Variants in HELB observed in about 807,000 individuals in gnomAD.
The protein encoded by HELB is DNA helicase B.
In HELB, 96 loss-of-function variants were observed where a neutral mutation model predicts 101.7. The observed-to-expected ratio is 0.94, with a 90% CI of 0.80 to 1.12. HELB has a LOEUF of 1.12. Among genes scored for constraint, HELB ranks in the 50% most tolerant of loss-of-function variants. The pLI is 0.00. For synonymous variants in HELB, 437 were observed against 459.7 expected (o/e 0.95, Z 0.63); for missense variants, 1,210 against 1,291.9 (o/e 0.94, Z 0.97).
downstream of HELB, chr12:66,339,705 G>A (rs2137023611): frequency 6.6e-6 from 1 of 152,422 alleles, no homozygotes; most frequent in African/African-American, 2.4e-5. Context: ...AGGTTGCGGT[G>A]AGCTGAGTCA....
chr12:66,320,935 A>G (rs113268665), intron 7 of HELB, among the ~76,000 whole-genome samples: 113 of 152,316 alleles, frequency 7.4e-4, no homozygotes, highest in African/African-American at 2.5e-3. Context: ...AAAGGTATGG[A>G]ACAGTGCCAT....
rs183641345 is a variant in HELB, at chr12:66,329,255, G to A, written c.2671-1899G>A. ...AGAATTCCAGGGACAGCAGATATTTGGCTCCTGTAGCATGACATTTTAATT... is the reference window on the plus strand; with the variant it reads ...AGAATTCCAGGGACAGCAGATATTTAGCTCCTGTAGCATGACATTTTAATT... On this transcript the variant is annotated intron_variant, in intron 11 of 12. Coordinates refer to ENST00000247815, the MANE Select transcript of HELB (RefSeq NM_001370285.1). Among the ~76,000 whole-genome samples, 27 of 152,264 alleles carry A rather than the reference G, an allele frequency of 1.8e-4. 1 individual carries two copies. In the East Asian group the frequency reaches 4.1e-3, roughly 23 times the overall value.
At chr12:66,338,266 C>A, downstream of HELB, 1 of 605,392 alleles carries the variant, frequency 1.7e-6, no homozygotes, top group Non-Finnish European at 2.9e-6. Flanking sequence ...TTAATGATTT[C>A]AACACGTCAT....
intron 11 of HELB, among the ~76,000 whole-genome samples, chr12:66,330,623 G>T (rs953189468): frequency 6.8e-6 from 1 of 147,540 alleles, no homozygotes; most frequent in East Asian, 2.0e-4. Flanking sequence ...TATCTCTGAT[G>T]TTCACAAAAT....
downstream of HELB, chr12:66,340,620 C>T (rs77825589): frequency 1.6e-4 from 19 of 115,544 alleles, no homozygotes; most frequent in East Asian, 1.5e-3. Flanking sequence ...GGGGGGGGGG[C>T]GGGGAGTTTA....
chr12:66,319,116 T>G (rs1487064023), intron 7 of HELB, among the ~76,000 whole-genome samples: 1 of 152,182 alleles, frequency 6.6e-6, no homozygotes, highest in Admixed American at 6.5e-5. Flanking sequence ...TTAATGAAGT[T>G]TTTCCTTCCT....
rs185959015 is a variant in HELB at position 66,307,425 on chromosome 12, G to A, written c.777+911G>A. Reference sequence around the variant, plus strand: ...GTTCTTTATAGAGATATTAAGAAGGGAAGATCATTTTTTAGCTCTTTTAGA... The same window carrying A: ...GTTCTTTATAGAGATATTAAGAAGGAAAGATCATTTTTTAGCTCTTTTAGA... On this transcript the variant is annotated intron_variant, in intron 3 of 12. Coordinates refer to ENST00000247815, the MANE Select transcript of HELB (RefSeq NM_001370285.1). Among the ~76,000 whole-genome samples, 385 of 152,220 alleles carry A rather than the reference G, an allele frequency of 2.5e-3. 2 individuals are homozygous for A. The highest frequency in any genetic ancestry group is 3.7e-3 in the Non-Finnish European group (253 of 68,006).
At chr12:66,313,028 G>A (rs924925148) in intron 4 of HELB, among the ~76,000 whole-genome samples, 2 of 152,110 alleles carry the variant, frequency 1.3e-5, no homozygotes, top group Admixed American at 1.3e-4. Flanking sequence ...GAAAATGTCA[G>A]CATTTCTAAG....
rs574119979 is a variant in HELB at position 66,327,816 on chromosome 12, A to G, written c.2670+2690A>G. Among the ~76,000 whole-genome samples, 5 of 152,330 alleles carry G rather than the reference A, an allele frequency of 3.3e-5. No homozygotes were observed. In the South Asian group the frequency reaches 1.0e-3, roughly 32 times the overall value. On this transcript the variant is annotated intron_variant, in intron 11 of 12. Transcript: ENST00000247815. ...AATAAAAAAAATAAAAACAAGAAAG[A>G]AAACTCTGTGTTATGTTAGAAGGTG... is the stretch of plus-strand genomic sequence containing the variant.
At chr12:66,334,472 A>C (rs1333281405) in intron 12 of HELB, among the ~76,000 whole-genome samples, 4 of 39,902 alleles carry the variant, frequency 1.0e-4, no homozygotes, top group Admixed American at 6.4e-4. Flanking sequence ...AAAAAAAAAG[A>C]AAAAAAAAAA....
intron 1 of HELB, 68 bp from the exon 2 acceptor site, chr12:66,304,663 T>G: frequency 2.1e-6 from 3 of 1,440,614 alleles, no homozygotes; most frequent in Non-Finnish European, 1.9e-6. Context: ...TTGATGAAAC[T>G]TTGAGGAAAC....
In HELB at chr12:66,315,283, C is replaced by T. The variant is rs1385443940; in HGVS notation, c.1900C>T (p.Leu634=). The change falls in exon 6 of 13, where the codon CTG becomes TTG. Residue 634 remains leucine, a synonymous_variant. Transcript: ENST00000247815. The part of the protein sequence containing the change: ...QLPSIEPGNL[L]KDLFETLKSR... ...ACCCAGTATTGAACCTGGTAACTTGCTGAAAGATCTTTTTGAGACTCTTAA... is the reference window on the plus strand; with the variant it reads ...ACCCAGTATTGAACCTGGTAACTTGTTGAAAGATCTTTTTGAGACTCTTAA... 1.9e-6 allele frequency: 3 copies of T among 1,608,216 alleles called. No individual in the cohort carries two copies. The highest frequency in any genetic ancestry group is 1.3e-5 in the African/African-American group (1 of 74,674).
At chr12:66,316,149 A>G (rs1002566597) in intron 6 of HELB, among the ~76,000 whole-genome samples, 2 of 152,178 alleles carry the variant, frequency 1.3e-5, no homozygotes, top group South Asian at 2.1e-4. Context: ...GTACAGTAGC[A>G]TGCTGTGCAG....
intron 1 of HELB, 36 bp downstream of exon 1, chr12:66,302,826 G>A: frequency 2.6e-6 from 4 of 1,556,354 alleles, no homozygotes; most frequent in Non-Finnish European, 3.5e-6. Flanking sequence ...TGGGGTTGGA[G>A]GGTCCAAAGT....
At chr12:66,313,422 A>G (rs1297427049) in intron 4 of HELB, among the ~76,000 whole-genome samples, 2 of 152,272 alleles carry the variant, frequency 1.3e-5, no homozygotes, top group African/African-American at 4.8e-5. Context: ...ACACTAAAAT[A>G]TTGAATGTTC....
intron 6 of HELB, among the ~76,000 whole-genome samples, chr12:66,316,260 C>G (rs568689122): frequency 2.0e-5 from 3 of 152,056 alleles, no homozygotes; most frequent in Non-Finnish European, 4.4e-5. Context: ...ATTCACACGA[C>G]GATGAACATT....
chr12:66,329,224 G>C (rs753545811), intron 11 of HELB, among the ~76,000 whole-genome samples: 2 of 152,190 alleles, frequency 1.3e-5, no homozygotes, highest in Non-Finnish European at 2.9e-5. Context: ...TACCATCTTG[G>C]AGTGCAGAAT....
At chr12:66,304,415 T>G (rs1357940990) in intron 1 of HELB, among the ~76,000 whole-genome samples, 1 of 152,198 alleles carries the variant, frequency 6.6e-6, no homozygotes, top group Non-Finnish European at 1.5e-5. Context: ...TGAAGGCCAG[T>G]ATTGGCTGAA....
Position 66,302,719 on chromosome 12 carries a change from C to G in HELB, c.116C>G (p.Ser39Cys), listed in dbSNP as rs750744999. ...GACGACGTGGAGGAGGATGAAGAGT[C>G]CGTGTTCATCGACGCCGAGGAGCTC... ...LNDDVEEDEE[S>C]VFIDAEELCS... is the part of the protein sequence containing the mutation. The change falls in exon 1 of 13, where the codon TCC (serine) becomes TGC (cysteine). Residue 39 changes from serine to cysteine, a missense_variant. Physicochemically the swap from Ser to Cys is moderately radical, Grantham distance 112 (BLOSUM62 -1). Coordinates refer to ENST00000247815, the MANE Select transcript of HELB (RefSeq NM_001370285.1). 5.6e-6 allele frequency: 9 copies of G among 1,614,016 alleles called. No individual in the cohort carries two copies. Among genetic ancestry groups the G allele is most frequent in the Non-Finnish European group, 6.8e-6 (8 of 1,179,934 alleles).
Sources: gnomAD v4.1 joint callset for allele counts (sites outside exome capture counted in the v4.1 genomes callset) on GRCh38, gnomAD v4.1.1 for gene constraint, MANE v1.5 for transcripts, NCBI Gene and HGNC (gene_info 2026-07-23, HGNC 2026-07-21) for gene names.